Variants in PLCE1 observed in about 807,000 individuals in gnomAD.
PLCE1 encodes the protein phospholipase C epsilon 1, also known as 1-phosphatidylinositol 4,5-bisphosphate phosphodiesterase epsilon-1.
Under a neutral mutation model 242.8 loss-of-function variants are expected in PLCE1, and 119 were observed. The ratio of observed to expected loss-of-function variants is 0.49; its 90% CI spans 0.42 to 0.57. The LOEUF is 0.57. PLCE1 is among the 20% of genes least tolerant of loss of function. PLCE1 has a pLI of 0.00. For missense variants in PLCE1, 2,441 were observed against 2,788.8 expected (o/e 0.88, Z 2.81); for synonymous variants, 945 against 1,017.4 (o/e 0.93, Z 1.35).
chr10:94,156,643 T>A (rs902492292), intron 3 of PLCE1, among the ~76,000 whole-genome samples: 3 of 152,174 alleles, frequency 2.0e-5, no homozygotes, highest in Admixed American at 2.0e-4. Context: ...TGAGGCTTCA[T>A]CACCTCAGCA....
intron 1 of PLCE1, among the ~76,000 whole-genome samples, chr10:93,994,950 A>C (rs796920067): frequency 5.3e-5 from 8 of 152,340 alleles, no homozygotes; most frequent in African/African-American, 1.9e-4. Context: ...GTCTTCGAAA[A>C]GTTTTATTTG....
chr10:94,117,409 T>G (rs1342514958), intron 2 of PLCE1, among the ~76,000 whole-genome samples: 2 of 152,190 alleles, frequency 1.3e-5, no homozygotes, highest in African/African-American at 4.8e-5. Flanking sequence ...TCCTACCAGC[T>G]CTGCTGGGAG....
intron 4 of PLCE1, among the ~76,000 whole-genome samples, chr10:94,172,947 C>T (rs1014605093): frequency 2.0e-5 from 3 of 152,312 alleles, no homozygotes; most frequent in South Asian, 2.1e-4. Context: ...ATGAATACAA[C>T]GAGTGTTAGA....
At position 94,327,911 on chromosome 10, in the gene PLCE1, G is replaced by A. The variant is rs113301723; in HGVS notation, c.*25-57G>A. 6.3e-3 allele frequency: 3,186 copies of A among 505,360 alleles called. 107 individuals are homozygous for A. Among genetic ancestry groups the A allele is most frequent in the African/African-American group, 0.057 (2,935 of 51,280 alleles). 31.3% of individuals were successfully genotyped at this position (505,360 alleles called of 1,614,324 possible). A position where few individuals can be genotyped will look rare whatever the true frequency, so the allele number is the denominator to read the frequency against. ...ACTCTGAACCCTTGGTATACCGCAA[G>A]TGTTTCTGTTTCTTCATTTTCAGTA... On this transcript the variant is annotated intron_variant, in intron 32 of 32. Transcript: ENST00000371380.
chr10:94,094,826 A>G (rs2135414561), intron 2 of PLCE1: 1 of 152,332 alleles, frequency 6.6e-6, no homozygotes, highest in East Asian at 1.9e-4. Flanking sequence ...CCTTAGGCTT[A>G]GTGGTCTCGG....
chr10:94,193,585 G>C (rs1189274516), intron 4 of PLCE1, among the ~76,000 whole-genome samples: 3 of 152,176 alleles, frequency 2.0e-5, no homozygotes, highest in Non-Finnish European at 4.4e-5. Context: ...TTTATACAAT[G>C]TGCAGAAAAT....
chr10:94,283,955 A>G (rs1186691614), intron 21 of PLCE1, 44 bp downstream of exon 21: 2 of 1,598,774 alleles, frequency 1.3e-6, no homozygotes, highest in Non-Finnish European at 8.5e-7. Flanking sequence ...ACCATGTGGT[A>G]CTCTTGTCAG....
At chr10:93,994,729 TA>T (rs1381621351) in intron 1 of PLCE1, among the ~76,000 whole-genome samples, 1 of 152,226 alleles carries the variant, frequency 6.6e-6, no homozygotes, top group Non-Finnish European at 1.5e-5. Flanking sequence ...GCTACAGTAA[TA>T]AATACACTAG....
In PLCE1 at chr10:94,325,038, G is replaced by C; in HGVS notation, c.6867G>C (p.Val2289=). The part of the protein sequence containing the change: ...ESIQTKEEKP[V]GGLSSSDTMD... The stretch of plus-strand genomic sequence containing the variant: ...TCCAAACCAAGGAGGAGAAACCTGT[G>C]GGTGGCTTGTCCTCCAGTGACACAA... The change falls in exon 32 of 33, where the codon GTG becomes GTC. Residue 2289 remains valine (V), a synonymous_variant. Coordinates refer to ENST00000371380, the MANE Select transcript of PLCE1 (RefSeq NM_016341.4). 6.2e-7 allele frequency: 1 copy of C among 1,614,180 alleles called. No homozygotes were observed. The highest frequency in any genetic ancestry group is 8.5e-7 in the Non-Finnish European group (1 of 1,180,010).
chr10:94,274,262 A>G (rs2051862251), intron 19 of PLCE1, among the ~76,000 whole-genome samples: 1 of 152,140 alleles, frequency 6.6e-6, no homozygotes, highest in African/African-American at 2.4e-5. Flanking sequence ...CACTGAGTCC[A>G]TTTTCCAGTC....
chr10:94,185,026 C>T (rs2048429855), intron 4 of PLCE1, among the ~76,000 whole-genome samples: 1 of 152,128 alleles, frequency 6.6e-6, no homozygotes, highest in Non-Finnish European at 1.5e-5. Context: ...AAAAGCAAGA[C>T]ATGGGTCATT....
At chr10:94,233,299 A>G (rs1258222708) in intron 5 of PLCE1, among the ~76,000 whole-genome samples, 1 of 152,256 alleles carries the variant, frequency 6.6e-6, no homozygotes, top group African/African-American at 2.4e-5. Context: ...GTAAAAATCA[A>G]TTCTACAGAA....
intron 3 of PLCE1, among the ~76,000 whole-genome samples, chr10:94,139,964 A>G (rs1384330961): frequency 6.6e-6 from 1 of 152,088 alleles, no homozygotes; most frequent in Non-Finnish European, 1.5e-5. Flanking sequence ...TGTTCCTCCA[A>G]TTCTGCAGGT....
chr10:94,050,112 C>G (rs2043722203), intron 2 of PLCE1, among the ~76,000 whole-genome samples: 1 of 152,148 alleles, frequency 6.6e-6, no homozygotes, highest in African/African-American at 2.4e-5. Context: ...GTTCCCTCTT[C>G]TTGTCATATC....
intron 4 of PLCE1, among the ~76,000 whole-genome samples, chr10:94,213,070 TG>T (rs1216668966): frequency 1.3e-5 from 2 of 152,194 alleles, no homozygotes; most frequent in Admixed American, 6.5e-5. Flanking sequence ...TACTCTCAGC[TG>T]TCAGTCTCAA....
In PLCE1 at chr10:94,298,910, T is replaced by G. The variant is rs2052937565; in HGVS notation, c.5458+241T>G. Among the ~76,000 whole-genome samples the G allele has an allele frequency of 6.6e-6, 1 of 152,202 alleles. No homozygotes were observed. The highest frequency in any genetic ancestry group is 1.5e-5 in the Non-Finnish European group (1 of 68,024). Reference sequence around the variant, plus strand: ...AAGGTCTCCTGGTCCTGCCCCTTTTTTAATGCAGTTTTTCAAATACCAAGC... The same window carrying G: ...AAGGTCTCCTGGTCCTGCCCCTTTTGTAATGCAGTTTTTCAAATACCAAGC... On this transcript the variant is annotated intron_variant, in intron 24 of 32. Coordinates refer to ENST00000371380, the MANE Select transcript of PLCE1 (RefSeq NM_016341.4). This position sits in a 1 kb window ranked among gnomAD's most constrained non-coding sequence, Gnocchi z 5.2.
intron 2 of PLCE1, among the ~76,000 whole-genome samples, chr10:94,040,688 G>A (rs907257037): frequency 3.9e-5 from 6 of 152,142 alleles, no homozygotes; most frequent in African/African-American, 1.4e-4. Context: ...TGGTACAAGG[G>A]CCTAAGAGAG....
chr10:93,996,565 T>TTTTG (rs2060828377), intron 1 of PLCE1, among the ~76,000 whole-genome samples: 1 of 152,180 alleles, frequency 6.6e-6, no homozygotes, highest in South Asian at 2.1e-4. Flanking sequence ...CAAAGATGCA[T>TTTTG]TTTGTTATAG....
chr10:94,138,489 A>G, intron 3 of PLCE1: 1 of 453,728 alleles, frequency 2.2e-6, no homozygotes, highest in South Asian at 1.8e-5. Context: ...TTCAAGCCAG[A>G]TATGTCCGTA....
Sources: allele counts gnomAD v4.1 joint callset (sites outside exome capture counted in the v4.1 genomes callset), GRCh38; gene constraint gnomAD v4.1.1; non-coding constraint Gnocchi (gnomAD v3.1); transcripts MANE v1.5; gene names NCBI Gene and HGNC (gene_info 2026-07-23, HGNC 2026-07-21).